Variants in PTPRB observed in about 807,000 individuals in gnomAD.
PTPRB encodes the protein receptor-type tyrosine-protein phosphatase beta.
Under a neutral mutation model 238.1 loss-of-function variants are expected in PTPRB, and 97 were observed. The ratio of observed to expected loss-of-function variants is 0.41; its 90% CI spans 0.35 to 0.48. The LOEUF is 0.48. Among genes scored for constraint, PTPRB ranks in the 20% least tolerant of loss-of-function variants. PTPRB has a pLI of 0.30. For synonymous variants in PTPRB, 970 were observed against 995.4 expected, an observed-to-expected ratio of 0.97 and a Z score of 0.48; for missense variants, 2,292 against 2,681.9, an observed-to-expected ratio of 0.85 and a Z score of 3.21.
chr12:70,535,239 T>C (rs1047251362), intron 29 of PTPRB, among the ~76,000 whole-genome samples: 43 of 150,168 alleles, frequency 2.9e-4, no homozygotes, highest in African/African-American at 1.1e-3. Context: ...TTTTTTTTTT[T>C]TTTTTTTTTT....
Position 70,544,612 on chromosome 12 carries a change from G to T in PTPRB, c.5439C>A (p.Phe1813Leu), listed in dbSNP as rs1187600267. 6.2e-7 allele frequency: 1 copy of T among 1,609,888 alleles called. No homozygotes were observed. Among genetic ancestry groups the T allele is most frequent in the Non-Finnish European group, 8.5e-7 (1 of 1,178,652 alleles). ...ATGTGTCTGAATAGAGTGGCTTTGT[G>T]AATTCCTTCAGGTCCTCATCAAAGA... ...TQLFDEDLKE[F>L]TKPLYSDTFF... is the part of the protein sequence containing the mutation. The change falls in exon 22 of 34, where the codon TTC becomes TTA. Residue 1813 changes from phenylalanine (F) to leucine (L), a missense_variant. By Grantham distance (22) the Phe-to-Leu change is conservative. Coordinates refer to ENST00000334414, the MANE Select transcript of PTPRB (RefSeq NM_001109754.4).
At chr12:70,625,420 G>A (rs1036396955) in intron 2 of PTPRB, among the ~76,000 whole-genome samples, 9 of 151,976 alleles carry the variant, frequency 5.9e-5, no homozygotes, top group East Asian at 3.8e-4. Context: ...ATACATGTAC[G>A]TATATGGTTT....
At chr12:70,535,078 G>T in intron 29 of PTPRB, 123 bp from the exon 30 acceptor site, 2 of 1,146,332 alleles carry the variant, frequency 1.7e-6, no homozygotes, top group Non-Finnish European at 2.4e-6. Flanking sequence ...AAAGCAATTT[G>T]ACCATCTACT....
intron 3 of PTPRB, chr12:70,609,908 A>T (rs1884315123): frequency 2.5e-6 from 3 of 1,204,086 alleles, no homozygotes; most frequent in Non-Finnish European, 2.2e-6. Context: ...GCGCGCGCTC[A>T]GCGCGCCCCG....
chr12:70,550,672 T>C (rs13377758), intron 21 of PTPRB, among the ~76,000 whole-genome samples: 4 of 152,176 alleles, frequency 2.6e-5, no homozygotes. Context: ...CTATGGGTGC[T>C]GGGAGATTGG....
intron 32 of PTPRB, among the ~76,000 whole-genome samples, chr12:70,527,199 A>T (rs1048010108): frequency 6.6e-6 from 1 of 152,228 alleles, no homozygotes; most frequent in Non-Finnish European, 1.5e-5. Context: ...CTTAGTATTT[A>T]GTGAACAAAT....
intron 4 of PTPRB, among the ~76,000 whole-genome samples, chr12:70,599,662 C>G (rs977838812): frequency 4.6e-5 from 7 of 152,118 alleles, no homozygotes; most frequent in African/African-American, 1.4e-4. Flanking sequence ...ATTGTATATA[C>G]TTGAATAAAT....
intron 18 of PTPRB, among the ~76,000 whole-genome samples, chr12:70,557,358 C>G (rs1008106013): frequency 1.3e-5 from 2 of 152,158 alleles, no homozygotes; most frequent in African/African-American, 4.8e-5. Flanking sequence ...CATAGCCTCA[C>G]CCGATCCTAA....
intron 11 of PTPRB, among the ~76,000 whole-genome samples, chr12:70,573,505 C>CTTTTTTTTTTTTTT (rs937307862): frequency 2.2e-5 from 2 of 90,824 alleles, no homozygotes; most frequent in African/African-American, 8.1e-5. Context: ...CTTTTCTTTT[C>CTTTTTTTTTTTTTT]TTTTTTTTTT....
In PTPRB at chr12:70,596,285, G is replaced by A. The variant is rs771245118; in HGVS notation, c.1022C>T (p.Thr341Met). Residue 341 changes from threonine (T) to methionine (M), a missense_variant, in exon 5 of 34, where the codon ACG becomes ATG. Transcript: ENST00000334414. ...PARFGVSKEKTTSTSLHVWWT... is the reference protein window; with the variant it reads ...PARFGVSKEKMTSTSLHVWWT... Reference sequence around the variant, plus strand: ...CCAAACATGCAAGCTGGTTGAAGTCGTCTTCTCTTTACTGACTCCAAACCT... The same window carrying A: ...CCAAACATGCAAGCTGGTTGAAGTCATCTTCTCTTTACTGACTCCAAACCT... 3.1e-5 allele frequency: 50 copies of A among 1,607,604 alleles called. No individual in the cohort carries two copies. The highest frequency in any genetic ancestry group is 1.3e-4 in the East Asian group (6 of 44,744).
chr12:70,626,303 CTATCTATCT>C lies in PTPRB; in HGVS notation c.452-3666_452-3658del, dbSNP rs1396490671. ...GGATGATGTCTATCCATCCATCTAT[CTATCTATCT>C]ATCTATCTATCTATCTATCTATCTA... On this transcript the variant is annotated intron_variant, in intron 2 of 33. Transcript: ENST00000334414. Among the ~76,000 whole-genome samples, 452 of 71,068 alleles carry C rather than the reference CTATCTATCT, an allele frequency of 6.4e-3. 16 individuals carry two copies. The highest frequency in any genetic ancestry group is 0.024 in the African/African-American group (418 of 17,776). 46.6% of individuals were successfully genotyped at this position (71,068 alleles called of 152,430 possible). A position where few individuals can be genotyped will look rare whatever the true frequency, so the allele number is the denominator to read the frequency against.
intron 8 of PTPRB, 73 bp downstream of exon 8, chr12:70,589,891 C>T: frequency 6.9e-7 from 1 of 1,446,740 alleles, no homozygotes; most frequent in South Asian, 1.3e-5. Context: ...GCAGTTACGG[C>T]AGTTACCTGG....
rs1278067442 is a variant in PTPRB, at chr12:70,559,635, G to A, written c.4433-11C>T. Reference sequence around the variant, plus strand: ...TGGGAGGACTTGGAGCTGAATGTAGGAGAAAGTGAAAAATCACATAATCAC... The same window carrying A: ...TGGGAGGACTTGGAGCTGAATGTAGAAGAAAGTGAAAAATCACATAATCAC... On this transcript the variant is annotated splice_polypyrimidine_tract_variant and intron_variant, in intron 17 of 33. Coordinates refer to ENST00000334414, the MANE Select transcript of PTPRB (RefSeq NM_001109754.4). 8.2e-6 allele frequency: 13 copies of A among 1,593,378 alleles called. No individual in the cohort carries two copies. Among genetic ancestry groups the A allele is most frequent in the Non-Finnish European group, 1.0e-5 (12 of 1,161,832 alleles).
At position 70,517,520 on chromosome 12, in the gene PTPRB, CCTT is replaced by C. The variant is rs1472343289; in HGVS notation, c.*3966_*3968del. On this transcript the variant is annotated 3_prime_UTR_variant, in exon 34 of 34. Coordinates refer to ENST00000334414, the MANE Select transcript of PTPRB (RefSeq NM_001109754.4). ...GCAGAAAATTAGCACGGCATTTTCTCCTTCAACTCTTCAGGAATGAGGTAGGCT... is the reference window on the plus strand; with the variant it reads ...GCAGAAAATTAGCACGGCATTTTCTCCAACTCTTCAGGAATGAGGTAGGCT... The C allele has an allele frequency of 2.0e-5, 3 of 152,196 alleles. No individual in the cohort carries two copies. The highest frequency in any genetic ancestry group is 7.2e-5 in the African/African-American group (3 of 41,450). The allele number at this position is 152,196 out of a possible 1,614,324, so 9.4% of individuals were successfully genotyped here.
At chr12:70,563,538 C>G (rs1421674956) in intron 15 of PTPRB, among the ~76,000 whole-genome samples, 5 of 152,194 alleles carry the variant, frequency 3.3e-5, no homozygotes, top group Admixed American at 2.6e-4. Flanking sequence ...ATGGATCCAT[C>G]CTTTGTTTCC....
chr12:70,536,010 AG>A lies in PTPRB; in HGVS notation c.6081+14del. 1 of 1,611,310 alleles carries A rather than the reference AG, an allele frequency of 6.2e-7. No homozygotes were observed. The highest frequency in any genetic ancestry group is 8.5e-7 in the Non-Finnish European group (1 of 1,178,594). On this transcript the variant is annotated intron_variant, in intron 29 of 33. Transcript: ENST00000334414. ...AGAAAGCAAAGCTTTGATGCCAGGA[AG>A]GCTGTTTACTCACTCGGCCCTTCTC...
At chr12:70,555,339 A>AG (rs1445553995) in intron 19 of PTPRB, 30 bp from the exon 20 acceptor site, 3 of 1,591,034 alleles carry the variant, frequency 1.9e-6, no homozygotes, top group Non-Finnish European at 2.6e-6. Context: ...AGGAACCAAG[A>AG]GGGGTCACAA....
At chr12:70,583,453 T>G (rs1027931153) in intron 9 of PTPRB, among the ~76,000 whole-genome samples, 107 of 152,224 alleles carry the variant, frequency 7.0e-4, no homozygotes, top group African/African-American at 2.5e-3. Context: ...CAAATGCAAA[T>G]GTAAGCTTTG....
intron 7 of PTPRB, among the ~76,000 whole-genome samples, 188 bp from the exon 8 acceptor site, chr12:70,590,421 T>C (rs1882366162): frequency 6.6e-6 from 1 of 152,104 alleles, no homozygotes; most frequent in African/African-American, 2.4e-5. Context: ...ACACAAGAAA[T>C]GTCCGCTAAA....
Sources: allele counts gnomAD v4.1 joint callset (sites outside exome capture counted in the v4.1 genomes callset), GRCh38; gene constraint gnomAD v4.1.1; transcripts MANE v1.5; gene names NCBI Gene and HGNC (gene_info 2026-07-23, HGNC 2026-07-21).